The following PROM1 variants were observed in gnomAD, a reference collection of about 807,000 sequenced individuals.
The protein encoded by PROM1 is prominin 1.
A neutral mutation model predicts 116.9 loss-of-function variants in PROM1; 105 were observed. The ratio of observed to expected loss-of-function variants is 0.90; its 90% CI spans 0.77 to 1.06. The LOEUF is 1.06. PROM1 is among the 50% of genes least tolerant of loss of function. The pLI, the probability that PROM1 is intolerant of heterozygous loss-of-function variation, is 0.00. For missense variants in PROM1, 1,122 were observed against 1,045.2 expected, an observed-to-expected ratio of 1.07 and a Z score of -1.01; for synonymous variants, 393 against 387.0, an observed-to-expected ratio of 1.02 and a Z score of -0.18.
chr4:16,023,107 G>GC (rs34252465), intron 8 of PROM1, among the ~76,000 whole-genome samples: 151,336 of 152,268 alleles, frequency 0.99, 75,213 homozygotes, highest in Middle Eastern at 1. Flanking sequence ...AACAAATTCC[G>GC]CCCTATCATC....
chr4:15,970,012 T>C (rs939925784), intron 27 of PROM1, among the ~76,000 whole-genome samples: 1 of 152,018 alleles, frequency 6.6e-6, no homozygotes, highest in African/African-American at 2.4e-5. Flanking sequence ...GTGTGTTGGC[T>C]ATTCACAGGT....
At chr4:16,071,161 C>T (rs1276577062) in intron 2 of PROM1, among the ~76,000 whole-genome samples, 1 of 152,176 alleles carries the variant, frequency 6.6e-6, no homozygotes, top group Non-Finnish European at 1.5e-5. Context: ...AAGCCTCCAC[C>T]TCCCTGTGCT....
chr4:16,053,044 T>C (rs1250921149), intron 2 of PROM1, among the ~76,000 whole-genome samples: 2 of 152,182 alleles, frequency 1.3e-5, no homozygotes, highest in African/African-American at 4.8e-5. Context: ...ATTTGAGAAA[T>C]GTAAATATCA....
chr4:16,023,474 C>T, intron 7 of PROM1, 59 bp from the exon 8 acceptor site: 1 of 1,324,854 alleles, frequency 7.5e-7, no homozygotes, highest in Non-Finnish European at 1.1e-6. Flanking sequence ...CTCCACCCCT[C>T]CCTCATTCTC....
chr4:16,033,223 A>G lies in PROM1; in HGVS notation c.509+81T>C, dbSNP rs978981620. The G allele has an allele frequency of 2.4e-6, 3 of 1,263,674 alleles. No homozygotes were observed. In the African/African-American group the frequency reaches 4.5e-5, roughly 19 times the overall value. 78.3% of individuals were successfully genotyped at this position (1,263,674 alleles called of 1,614,324 possible). A position where few individuals can be genotyped will look rare whatever the true frequency, so the allele number is the denominator to read the frequency against. ...TTGTTGCTATTTTGTTTAGTTTTAA[A>G]CTCATGGTTTAACCATAAAAATGTG... On this transcript the variant is annotated intron_variant, in intron 5 of 27. Transcript: ENST00000447510.
At chr4:16,044,586 T>C (rs1351314621) in intron 2 of PROM1, among the ~76,000 whole-genome samples, 1 of 152,220 alleles carries the variant, frequency 6.6e-6, no homozygotes, top group Non-Finnish European at 1.5e-5. Context: ...TTTAATATGT[T>C]AACCCATACA....
Position 16,038,959 on chromosome 4 carries a change from AT to A in PROM1, c.262del (p.Ile88LeufsTer9). On this transcript the variant is annotated frameshift_variant, in exon 3 of 28. Transcript: ENST00000447510. LOFTEE classifies it high-confidence loss of function. ...KFLQKAYESK[I>X]DYDKPETVIL... ...ATGAAAAATTACCTTGTCATAATCA[AT>A]TTTGGATTCATATGCCTTCTGTAAG... The A allele has an allele frequency of 6.7e-7, 1 of 1,497,848 alleles. No homozygotes were observed. The highest frequency in any genetic ancestry group is 2.2e-5 in the Admixed American group (1 of 44,674). 92.8% of individuals were successfully genotyped at this position (1,497,848 alleles called of 1,614,324 possible). A position where few individuals can be genotyped will look rare whatever the true frequency, so the allele number is the denominator to read the frequency against.
intron 15 of PROM1, 120 bp from the exon 16 acceptor site, chr4:15,994,191 T>G: frequency 1.3e-6 from 2 of 1,508,162 alleles, no homozygotes; most frequent in African/African-American, 2.8e-5. Context: ...AACACAGAAG[T>G]GGGGCTGCAT....
At chr4:16,004,905 CCCTTCCTTCCTT>C (rs147785330) in intron 13 of PROM1, among the ~76,000 whole-genome samples, 241 of 114,254 alleles carry the variant, frequency 2.1e-3, no homozygotes, top group South Asian at 3.9e-3. Context: ...CTCTCTCTCT[CCCTTCCTTCCTT>C]CCTTCCTTCC....
chr4:16,038,200 C>T (rs896911270), intron 3 of PROM1, among the ~76,000 whole-genome samples: 7 of 152,158 alleles, frequency 4.6e-5, no homozygotes, highest in Non-Finnish European at 1.0e-4. Context: ...CATTTCTAGC[C>T]ATGTCCTCAC....
At chr4:16,062,965 T>G (rs1740680725) in intron 2 of PROM1, among the ~76,000 whole-genome samples, 1 of 152,174 alleles carries the variant, frequency 6.6e-6, no homozygotes, top group Non-Finnish European at 1.5e-5. Context: ...TGAATGATTT[T>G]GAAAGAATTG....
In PROM1 at chr4:16,000,518, T is replaced by C. The variant is rs752152885; in HGVS notation, c.1556A>G (p.Tyr519Cys). ...TACCCGGAATAATTCCTTGCTCGTG[T>C]AAGGTTCACAGATCAGTTTTTCCAC... ...ANVEKLICEP[Y>C]TSKELFRVLD... Residue 519 changes from tyrosine to cysteine, a missense_variant, in exon 14 of 28, where the codon TAC (tyrosine) becomes TGC (cysteine). Coordinates refer to ENST00000447510, the MANE Select transcript of PROM1 (RefSeq NM_006017.3). The C allele has an allele frequency of 1.9e-6, 3 of 1,594,220 alleles. No individual in the cohort carries two copies. The highest frequency in any genetic ancestry group is 2.6e-6 in the Non-Finnish European group (3 of 1,162,740).
intron 10 of PROM1, among the ~76,000 whole-genome samples, chr4:16,014,449 A>C (rs539666437): frequency 1.3e-5 from 2 of 152,250 alleles, no homozygotes; most frequent in African/African-American, 4.8e-5. Context: ...TAACAAATGA[A>C]GTAACACCAG....
rs766246531 is a variant in PROM1, at chr4:16,025,199, GT to G, written c.622del (p.Thr208LeufsTer23). On this transcript the variant is annotated frameshift_variant, in exon 6 of 28. Coordinates refer to ENST00000447510, the MANE Select transcript of PROM1 (RefSeq NM_006017.3). LOFTEE classifies it high-confidence loss of function. ...AGAGATGATGGTTTTTACCTCTGGA[GT>G]TTCATTCAAGAGAGTTCGCAAGTCC... ...FKDLRTLLNE[T>X]PEQIKYILAQ... 3.8e-5 allele frequency: 61 copies of G among 1,613,764 alleles called. No homozygotes were observed. Among genetic ancestry groups the G allele is most frequent in the Non-Finnish European group, 4.7e-5 (56 of 1,179,712 alleles).
intron 2 of PROM1, among the ~76,000 whole-genome samples, chr4:16,066,760 G>C (rs1484769313): frequency 1.3e-5 from 2 of 152,180 alleles, no homozygotes; most frequent in Non-Finnish European, 2.9e-5. Context: ...CTGCTGGGCG[G>C]CCTCTCTGTA....
chr4:16,025,237 A>G lies in PROM1; in HGVS notation c.585T>C (p.Asp195=), dbSNP rs1190746994. The change falls in exon 6 of 28, where the codon GAT becomes GAC. Residue 195 remains aspartate (D), a synonymous_variant. Transcript: ENST00000447510. Reference sequence around the variant, plus strand: ...GAGTTCGCAAGTCCTTGAAATTGCTATCTGCCAGTTTCCGACTCCTTTTGA... The same window carrying G: ...GAGTTCGCAAGTCCTTGAAATTGCTGTCTGCCAGTTTCCGACTCCTTTTGA... ...TRIKRSRKLA[D]SNFKDLRTLL... 3.7e-5 allele frequency: 59 copies of G among 1,613,830 alleles called. No individual in the cohort carries two copies. Among genetic ancestry groups the G allele is most frequent in the Non-Finnish European group, 4.7e-5 (56 of 1,179,806 alleles).
intron 2 of PROM1, among the ~76,000 whole-genome samples, chr4:16,067,183 C>T (rs867472050): frequency 1.3e-5 from 2 of 152,146 alleles, no homozygotes; most frequent in Admixed American, 6.5e-5. Context: ...GGGTGCAGCA[C>T]GGAGGGAAGA....
Position 16,023,382 on chromosome 4 carries a change from T to G in PROM1, c.728A>C (p.Asp243Ala), listed in dbSNP as rs766737247. Residue 243 changes from aspartate (D) to alanine (A), a missense_variant, in exon 8 of 28, where the codon GAC becomes GCC. Physicochemically the swap from Asp to Ala is moderately radical, Grantham distance 126 (BLOSUM62 -2). Transcript: ENST00000447510. ...AGGGATGATGTTGGGTCTCAGTCGG[T>G]CAAGAATTCCGCCTCCTAGCACTGA... ...INSVLGGGIL[D>A]RLRPNIIPVL... 4 of 1,607,250 alleles carry G rather than the reference T, an allele frequency of 2.5e-6. No individual in the cohort carries two copies. The highest frequency in any genetic ancestry group is 1.7e-6 in the Non-Finnish European group (2 of 1,176,496).
intron 8 of PROM1, among the ~76,000 whole-genome samples, chr4:16,020,349 C>T (rs16892815): frequency 0.015 from 2,219 of 152,242 alleles, 31 homozygotes; most frequent in African/African-American, 0.047. Flanking sequence ...TTAGGACTAT[C>T]GAAGAGCACC....
Sources: allele counts gnomAD v4.1 joint callset (sites outside exome capture counted in the v4.1 genomes callset), GRCh38; gene constraint gnomAD v4.1.1; transcripts MANE v1.5; gene names NCBI Gene and HGNC (gene_info 2026-07-23, HGNC 2026-07-21).